PCDHA4: variants seen among roughly 807,000 people sequenced by gnomAD.
PCDHA4 encodes protocadherin alpha-4.
A neutral mutation model predicts 61.4 loss-of-function variants in PCDHA4; 49 were observed. That is an observed-to-expected ratio of 0.80 (90% confidence interval 0.63 to 1.01). PCDHA4 has a LOEUF of 1.01. Among genes scored for constraint, PCDHA4 ranks in the 50% least tolerant of loss-of-function variants. The probability of loss-of-function intolerance (pLI) is 0.00; values close to 1 mark genes in which losing one functional copy is unlikely to be tolerated. For missense variants in PCDHA4, 1,254 were observed against 1,235.8 expected, an observed-to-expected ratio of 1.01 and a Z score of -0.22; for synonymous variants, 590 against 550.3, an observed-to-expected ratio of 1.07 and a Z score of -1.01.
Position 140,807,964 on chromosome 5 carries a change from A to G in PCDHA4, c.777A>G (p.Thr259=). Reference sequence around the variant, plus strand: ...TACTAGAAAATGTTCCTAATGGAACATTGGTAATTAAACTTAACGCCTCAG... The same window carrying G: ...TACTAGAAAATGTTCCTAATGGAACGTTGGTAATTAAACTTAACGCCTCAG... ...VRLLENVPNG[T]LVIKLNASDL... Residue 259 remains threonine, a synonymous_variant, in exon 1 of 4, where the codon ACA becomes ACG. Coordinates refer to ENST00000530339, the MANE Select transcript of PCDHA4 (RefSeq NM_018907.4). 2 of 1,614,042 alleles carry G rather than the reference A, an allele frequency of 1.2e-6. No homozygotes were observed. The highest frequency in any genetic ancestry group is 8.5e-7 in the Non-Finnish European group (1 of 1,179,900).
At chr5:140,949,474 G>T (rs2094384891) in intron 1 of PCDHA4, among the ~76,000 whole-genome samples, 1 of 151,524 alleles carries the variant, frequency 6.6e-6, no homozygotes, top group Admixed American at 6.6e-5. Flanking sequence ...CTGTTATTAG[G>T]CACACACATT....
chr5:140,809,323 G>A lies in PCDHA4; in HGVS notation c.2136G>A (p.Val712=), dbSNP rs145154617. 2.2e-4 allele frequency: 363 copies of A among 1,614,098 alleles called. 1 individual carries two copies. In the African/African-American group the frequency reaches 3.9e-3, roughly 17 times the overall value. The change falls in exon 1 of 4, where the codon GTG becomes GTA. Residue 712 remains valine, a synonymous_variant. Coordinates refer to ENST00000530339, the MANE Select transcript of PCDHA4 (RefSeq NM_018907.4). ...TCTGCGCGGTGTCCAGCCTTTTGGT[G>A]CTCACGCTGCTGCTGTACACCGCGC... ...IAICAVSSLL[V]LTLLLYTALR...
chr5:140,822,604 G>C (rs2150117733), intron 1 of PCDHA4: 5 of 1,608,224 alleles, frequency 3.1e-6, no homozygotes, highest in Middle Eastern at 1.7e-4. Context: ...TAAGGAAATA[G>C]TGTATTTCTT....
At chr5:140,851,813 A>T (rs2042166057) in intron 1 of PCDHA4, 1 of 954,990 alleles carries the variant, frequency 1.0e-6, no homozygotes, top group Non-Finnish European at 1.3e-6. Context: ...AATCCATAAG[A>T]CAGAAATCTG....
chr5:140,933,379 G>T (rs1403607512), intron 1 of PCDHA4, among the ~76,000 whole-genome samples: 1 of 151,928 alleles, frequency 6.6e-6, no homozygotes, highest in Non-Finnish European at 1.5e-5. Flanking sequence ...TTCCTTGGCT[G>T]TTCCTAGAGC....
At chr5:140,957,871 G>C (rs1312915058) in intron 1 of PCDHA4, among the ~76,000 whole-genome samples, 1 of 151,864 alleles carries the variant, frequency 6.6e-6, no homozygotes, top group African/African-American at 2.4e-5. Flanking sequence ...CCTATTTTGT[G>C]CTGAAAAGCT....
chr5:140,830,763 A>T, intron 1 of PCDHA4: 1 of 176,090 alleles, frequency 5.7e-6, no homozygotes, highest in Non-Finnish European at 1.2e-5. Context: ...TTTAATTCAG[A>T]ATCATAGTAG....
At chr5:140,823,772 T>C in intron 1 of PCDHA4, 1 of 1,613,812 alleles carries the variant, frequency 6.2e-7, no homozygotes, top group Non-Finnish European at 8.5e-7. Context: ...ACAGTGCTGG[T>C]GTCGCTGGTG....
intron 1 of PCDHA4, among the ~76,000 whole-genome samples, chr5:140,974,524 T>C (rs976398044): frequency 5.9e-5 from 9 of 152,210 alleles, no homozygotes; most frequent in African/African-American, 9.7e-5. Flanking sequence ...TATTTTAGTT[T>C]TTTTGAGACG....
At chr5:140,942,867 C>T (rs1023164811) in intron 1 of PCDHA4, among the ~76,000 whole-genome samples, 5 of 151,858 alleles carry the variant, frequency 3.3e-5, no homozygotes, top group Admixed American at 1.3e-4. Context: ...TTTGCTTTAG[C>T]ATGACAACTT....
Position 140,842,921 on chromosome 5 carries a change from C to T in PCDHA4, c.2385+33349C>T. 5 of 1,594,348 alleles carry T rather than the reference C, an allele frequency of 3.1e-6. 1 individual carries two copies. Among genetic ancestry groups the T allele is most frequent in the Non-Finnish European group, 4.3e-6 (5 of 1,165,382 alleles). On this transcript the variant is annotated intron_variant, in intron 1 of 3. Transcript: ENST00000530339. The stretch of plus-strand genomic sequence containing the variant: ...CGAGGAGCTAGAGCTGCTGCAGTTC[C>T]AGGTGAGCGCGCGCGACGCGGGCGT...
chr5:140,855,635 T>G (rs1281474999), intron 1 of PCDHA4, among the ~76,000 whole-genome samples: 4 of 149,818 alleles, frequency 2.7e-5, no homozygotes, highest in African/African-American at 7.4e-5. Flanking sequence ...ATTCGGCTAT[T>G]GATAATCATG....
chr5:140,985,357 C>T (rs577732404), intron 3 of PCDHA4, among the ~76,000 whole-genome samples: 1 of 152,298 alleles, frequency 6.6e-6, no homozygotes, highest in East Asian at 1.9e-4. Flanking sequence ...TATAGACCCT[C>T]TGAGGTTATC....
At chr5:140,826,515 G>A (rs2150144072) in intron 1 of PCDHA4, among the ~76,000 whole-genome samples, 1 of 152,158 alleles carries the variant, frequency 6.6e-6, no homozygotes, top group Non-Finnish European at 1.5e-5. Flanking sequence ...AGATGATCAT[G>A]TCATTTGAAA....
chr5:141,008,072 T>G (rs1419103459), intron 3 of PCDHA4, among the ~76,000 whole-genome samples: 3 of 152,154 alleles, frequency 2.0e-5, no homozygotes, highest in African/African-American at 7.2e-5. Context: ...TAAGAACTTA[T>G]TGGGGTTATT....
At position 140,943,090 on chromosome 5, in the gene PCDHA4, C is replaced by A. The variant is rs554425182; in HGVS notation, c.2386-35859C>A. On this transcript the variant is annotated intron_variant, in intron 1 of 3. Coordinates refer to ENST00000530339, the MANE Select transcript of PCDHA4 (RefSeq NM_018907.4). The stretch of plus-strand genomic sequence containing the variant: ...TGACCAACATGGTGAAATCCTGCCT[C>A]TACTAAAAAATACAAAAATTAGCCA... Among the ~76,000 whole-genome samples the A allele has an allele frequency of 1.8e-4, 27 of 151,656 alleles. No homozygotes were observed. The South Asian group carries it at 2.5e-3, about 14-fold the overall frequency.
intron 1 of PCDHA4, among the ~76,000 whole-genome samples, chr5:140,904,491 T>G (rs2071172626): frequency 6.6e-6 from 1 of 151,972 alleles, no homozygotes; most frequent in Non-Finnish European, 1.5e-5. Context: ...TGATTCCAAA[T>G]TTTTACAATT....
At chr5:140,878,002 C>T in intron 1 of PCDHA4, 1 of 1,005,678 alleles carries the variant, frequency 9.9e-7, no homozygotes. Flanking sequence ...ATGTATTTGT[C>T]TAACATTAAT....
intron 1 of PCDHA4, chr5:140,875,462 C>T (rs1333440854): frequency 6.3e-7 from 1 of 1,598,882 alleles, no homozygotes; most frequent in Non-Finnish European, 8.5e-7. Flanking sequence ...CAGAGGCCCT[C>T]ATTTTCTGCA....
Sources: gnomAD v4.1 joint callset for allele counts (sites outside exome capture counted in the v4.1 genomes callset) on GRCh38, gnomAD v4.1.1 for gene constraint, MANE v1.5 for transcripts, NCBI Gene and HGNC (gene_info 2026-07-23, HGNC 2026-07-21) for gene names.